The following MYOCD variants were observed in gnomAD, a reference collection of about 807,000 sequenced individuals.
MYOCD encodes the protein myocardin.
A neutral mutation model predicts 96.1 loss-of-function variants in MYOCD; 32 were observed. The observed-to-expected ratio is 0.33, with a 90% CI of 0.25 to 0.45. The LOEUF is 0.45. Among genes scored for constraint, MYOCD ranks in the 20% least tolerant of loss-of-function variants. The probability of loss-of-function intolerance (pLI) is 1.00; values close to 1 mark genes in which losing one functional copy is unlikely to be tolerated. For missense variants in MYOCD, 1,133 were observed against 1,200.6 expected (o/e 0.94, Z 0.83); for synonymous variants, 469 against 469.0 (o/e 1.00, Z 0.00).
In MYOCD at chr17:12,752,849, C is replaced by T; in HGVS notation, c.1561C>T (p.Leu521=). The T allele has an allele frequency of 1.2e-6, 2 of 1,614,062 alleles. No individual in the cohort carries two copies. The highest frequency in any genetic ancestry group is 1.3e-5 in the African/African-American group (1 of 75,000). The change falls in exon 10 of 14, where the codon CTG becomes TTG. Residue 521 remains leucine, a synonymous_variant. Coordinates refer to ENST00000425538, the MANE Select transcript of MYOCD (RefSeq NM_001146312.3). Reference sequence around the variant, plus strand: ...GCTGGACTCCGAGAAGGACAAGATGCTGGTGGAGAAGCAGAAGGTGATCAA... The same window carrying T: ...GCTGGACTCCGAGAAGGACAAGATGTTGGTGGAGAAGCAGAAGGTGATCAA... ...DGLDSEKDKM[L]VEKQKVINEL...
At chr17:12,747,384 G>A (rs1213127090) in intron 9 of MYOCD, among the ~76,000 whole-genome samples, 1 of 152,152 alleles carries the variant, frequency 6.6e-6, no homozygotes, top group African/African-American at 2.4e-5. Flanking sequence ...AGAGTAGAAT[G>A]AGGAGTTGAT....
At chr17:12,694,302 C>T (rs1397089506) in intron 1 of MYOCD, among the ~76,000 whole-genome samples, 1 of 152,074 alleles carries the variant, frequency 6.6e-6, no homozygotes, top group East Asian at 1.9e-4. Context: ...GTGGCTGTGC[C>T]CAGAGAGCAA....
chr17:12,687,112 A>C (rs1412207893), intron 1 of MYOCD, among the ~76,000 whole-genome samples: 1 of 152,148 alleles, frequency 6.6e-6, no homozygotes. Flanking sequence ...TAAAACATAG[A>C]GTTTTAACAT....
Position 12,758,205 on chromosome 17 carries a change from G to T in MYOCD, c.2323G>T (p.Val775Leu). The change falls in exon 12 of 14, where the codon GTA (valine) becomes TTA (leucine). Residue 775 changes from valine (V) to leucine (L), a missense_variant. Val to Leu is a conservative substitution (Grantham distance 32, BLOSUM62 1). Coordinates refer to ENST00000425538, the MANE Select transcript of MYOCD (RefSeq NM_001146312.3). ...ACAGCCTCCATCCTATGAAGATGCC[G>T]TAAAGCAGGTAACCATGTGATTTGT... is the stretch of plus-strand genomic sequence containing the variant. Reference protein sequence around the residue: ...VTQPPSYEDAVKQQMTRSQQM... With the variant: ...VTQPPSYEDALKQQMTRSQQM... The T allele has an allele frequency of 6.2e-7, 1 of 1,613,982 alleles. No homozygotes were observed. The highest frequency in any genetic ancestry group is 8.5e-7 in the Non-Finnish European group (1 of 1,179,842).
At chr17:12,717,023 C>T (rs1444159007) in intron 3 of MYOCD, among the ~76,000 whole-genome samples, 2 of 120,936 alleles carry the variant, frequency 1.7e-5, no homozygotes, top group East Asian at 4.8e-4. Context: ...AAAAAAAAGG[C>T]AATGGAATAA....
intron 5 of MYOCD, among the ~76,000 whole-genome samples, chr17:12,732,605 T>C (rs566893455): frequency 2.6e-5 from 4 of 152,312 alleles, no homozygotes; most frequent in Middle Eastern, 3.4e-3. Flanking sequence ...TCTTATCTGA[T>C]CACACCTCAG....
intron 5 of MYOCD, among the ~76,000 whole-genome samples, chr17:12,734,383 G>A (rs937826347): frequency 1.1e-4 from 16 of 151,922 alleles, no homozygotes; most frequent in African/African-American, 3.9e-4. Flanking sequence ...CCCGGGGCAC[G>A]TGCCATGTGG....
chr17:12,676,876 T>G (rs533925512), intron 1 of MYOCD, among the ~76,000 whole-genome samples: 1 of 152,358 alleles, frequency 6.6e-6, no homozygotes, highest in East Asian at 1.9e-4. Context: ...GCTTTTAAGC[T>G]CTCAACCCTC....
At chr17:12,757,869 G>T (rs2033056669) in intron 11 of MYOCD, among the ~76,000 whole-genome samples, 1 of 152,076 alleles carries the variant, frequency 6.6e-6, no homozygotes, top group Admixed American at 6.6e-5. Context: ...GAGGAAAATA[G>T]ATCTTGCAAG....
Position 12,753,303 on chromosome 17 carries a change from A to T in MYOCD, c.2015A>T (p.His672Leu), listed in dbSNP as rs746700746. The change falls in exon 10 of 14, where the codon CAC becomes CTC. Residue 672 changes from histidine to leucine, a missense_variant. His to Leu is a moderately conservative substitution (Grantham distance 99). Transcript: ENST00000425538. ...PSSSGAQGEG[H>L]RVSSPISSQV... ...TCCTCCGGGGCCCAGGGAGAAGGGC[A>T]CAGGGTCTCCTCGCCCATCAGCAGC... 23 of 1,611,522 alleles carry T rather than the reference A, an allele frequency of 1.4e-5. No individual in the cohort carries two copies. Among genetic ancestry groups the T allele is most frequent in the Non-Finnish European group, 2.0e-5 (23 of 1,178,592 alleles).
At chr17:12,694,900 AAAAG>A (rs1398844720) in intron 1 of MYOCD, among the ~76,000 whole-genome samples, 20 of 150,960 alleles carry the variant, frequency 1.3e-4, no homozygotes, top group African/African-American at 4.4e-4. Context: ...AAAAAAAAAA[AAAAG>A]GAAAGAAATT....
intron 1 of MYOCD, among the ~76,000 whole-genome samples, chr17:12,691,629 T>G (rs1048442903): frequency 2.6e-5 from 4 of 151,752 alleles, no homozygotes; most frequent in Non-Finnish European, 4.4e-5. Flanking sequence ...TGGCTTCTGA[T>G]TCTTCATTTA....
chr17:12,719,274 C>G, intron 4 of MYOCD, among the ~76,000 whole-genome samples: 1 of 148,966 alleles, frequency 6.7e-6, no homozygotes, highest in East Asian at 2.0e-4. Context: ...GAGTTACATG[C>G]GTTCCCATAC....
chr17:12,735,733 C>G (rs1471723331), intron 5 of MYOCD, among the ~76,000 whole-genome samples: 1 of 152,154 alleles, frequency 6.6e-6, no homozygotes, highest in Non-Finnish European at 1.5e-5. Flanking sequence ...GAAGATGATG[C>G]AAATGGCAGG....
chr17:12,684,013 A>C (rs554099381), intron 1 of MYOCD, among the ~76,000 whole-genome samples: 1 of 152,194 alleles, frequency 6.6e-6, no homozygotes, highest in East Asian at 1.9e-4. Context: ...ACCAATAATC[A>C]TAGTAATAGT....
At chr17:12,735,019 G>A (rs1174223803) in intron 5 of MYOCD, among the ~76,000 whole-genome samples, 3 of 152,186 alleles carry the variant, frequency 2.0e-5, no homozygotes, top group African/African-American at 7.2e-5. Context: ...TGTGACACTT[G>A]GATGCCTGTG....
At position 12,763,214 on chromosome 17, in the gene MYOCD, T is replaced by C. The variant is rs1188868249; in HGVS notation, c.2531T>C (p.Phe844Ser). The C allele has an allele frequency of 6.2e-7, 1 of 1,614,120 alleles. No individual in the cohort carries two copies. The highest frequency in any genetic ancestry group is 8.5e-7 in the Non-Finnish European group (1 of 1,180,022). Residue 844 changes from phenylalanine (F) to serine (S), a missense_variant, in exon 14 of 14, where the codon TTT becomes TCT. Transcript: ENST00000425538. ...EQASSGSQIPFDPYATDSDEH... is the reference protein window; with the variant it reads ...EQASSGSQIPSDPYATDSDEH... ...GCCTCTTCAGGCAGCCAGATCCCCTTTGATCCCTATGCCACCGACAGTGAT... is the reference window on the plus strand; with the variant it reads ...GCCTCTTCAGGCAGCCAGATCCCCTCTGATCCCTATGCCACCGACAGTGAT...
intron 12 of MYOCD, 159 bp downstream of exon 12, chr17:12,758,372 A>T (rs1466080773): frequency 8.9e-7 from 1 of 1,119,354 alleles, no homozygotes; most frequent in Non-Finnish European, 1.3e-6. Flanking sequence ...TAATTGGAAA[A>T]CAGTGTTGCA....
At position 12,756,451 on chromosome 17, in the gene MYOCD, C is replaced by T. The variant is rs1195153115; in HGVS notation, c.2096C>T (p.Ser699Phe). 4 of 1,552,132 alleles carry T rather than the reference C, an allele frequency of 2.6e-6. No individual in the cohort carries two copies. The highest frequency in any genetic ancestry group is 2.0e-5 in the Admixed American group (1 of 50,974). ...GAHDGHPPSF[S>F]PHSSSLHPPF... ...CACGATGGCCATCCTCCAAGCTTCT[C>T]TCCCCATTCTTCCAGCCTCCACCCG... Residue 699 changes from serine to phenylalanine, a missense_variant, in exon 11 of 14, where the codon TCT becomes TTT. By Grantham distance (155) the Ser-to-Phe change is radical. Coordinates refer to ENST00000425538, the MANE Select transcript of MYOCD (RefSeq NM_001146312.3).
Sources: allele counts gnomAD v4.1 joint callset (sites outside exome capture counted in the v4.1 genomes callset), GRCh38; gene constraint gnomAD v4.1.1; transcripts MANE v1.5; gene names NCBI Gene and HGNC (gene_info 2026-07-23, HGNC 2026-07-21).